NFATC1: variants seen among roughly 807,000 people sequenced by gnomAD.
The protein encoded by NFATC1 is nuclear factor of activated T cells 1.
Under a neutral mutation model 76.0 loss-of-function variants are expected in NFATC1, and 22 were observed. The observed-to-expected ratio is 0.29, with a 90% confidence interval of 0.21 to 0.41. NFATC1 has a LOEUF of 0.41. Ranked by LOEUF, NFATC1 falls within the 10% of genes least tolerant of loss-of-function variation. The pLI is 1.00. For synonymous variants in NFATC1, 704 were observed against 613.1 expected, an observed-to-expected ratio of 1.15 and a Z score of -2.19; for missense variants, 1,357 against 1,337.7, an observed-to-expected ratio of 1.01 and a Z score of -0.23.
intron 3 of NFATC1, among the ~76,000 whole-genome samples, chr18:79,439,139 T>A (rs990626321): frequency 6.6e-6 from 1 of 152,202 alleles, no homozygotes. Context: ...CAGCACGCAC[T>A]GTTCCACGCA....
At chr18:79,507,925 C>T (rs2090154274) in intron 9 of NFATC1, among the ~76,000 whole-genome samples, 1 of 152,248 alleles carries the variant, frequency 6.6e-6, no homozygotes, top group South Asian at 2.1e-4. Context: ...GGCCGGGCTC[C>T]CCGCAGCCGC....
At chr18:79,479,186 T>C (rs1055425362) in intron 8 of NFATC1, among the ~76,000 whole-genome samples, 2 of 152,272 alleles carry the variant, frequency 1.3e-5, no homozygotes, top group African/African-American at 4.8e-5. Flanking sequence ...CACCGTTGCT[T>C]AGCCTGAAAA....
At chr18:79,451,213 G>T (rs375600112) in intron 5 of NFATC1, 87 bp downstream of exon 5, 10 of 1,472,398 alleles carry the variant, frequency 6.8e-6, no homozygotes, top group Non-Finnish European at 8.3e-6. Flanking sequence ...CTTTTCGTTC[G>T]TGTAGACTTG....
rs1293057279 is a variant in NFATC1 at position 79,524,664 on chromosome 18, C to T, written c.2783-2864C>T. ...TCTTGAGGTCGGCCCTCCTCCCCTC[C>T]CGAGAGCTCAGCAGCCGCAGACCCA... is the stretch of plus-strand genomic sequence containing the variant. On this transcript the variant is annotated intron_variant, in intron 9 of 9. Coordinates refer to ENST00000427363, the MANE Select transcript of NFATC1 (RefSeq NM_001278669.2). The surrounding 1 kb of genome is among the most constrained non-coding windows in gnomAD (Gnocchi z 7.2). 3.3e-5 allele frequency among the ~76,000 whole-genome samples: 5 copies of T among 152,114 alleles called. No individual in the cohort carries two copies. In the East Asian group the frequency reaches 7.7e-4, roughly 23 times the overall value.
At chr18:79,424,969 C>CTG (rs1362850276) in intron 2 of NFATC1, among the ~76,000 whole-genome samples, 41 of 132,228 alleles carry the variant, frequency 3.1e-4, no homozygotes, top group Admixed American at 5.0e-4. Flanking sequence ...GTCTCTCCGT[C>CTG]TCTGTCTCTC....
chr18:79,510,794 C>T (rs555936471), intron 9 of NFATC1, among the ~76,000 whole-genome samples: 2 of 152,212 alleles, frequency 1.3e-5, no homozygotes, highest in African/African-American at 4.8e-5. Context: ...GCACAGACCC[C>T]GGCATCCCCT....
intron 1 of NFATC1, among the ~76,000 whole-genome samples, chr18:79,401,199 C>T (rs2148135487): frequency 6.6e-6 from 1 of 150,496 alleles, no homozygotes; most frequent in Non-Finnish European, 1.5e-5. Context: ...GTCCAGGTCA[C>T]CCCAGGCTGG....
At position 79,480,641 on chromosome 18, in the gene NFATC1, G is replaced by T. The variant is rs185678840; in HGVS notation, c.2093-5607G>T. 5.3e-3 allele frequency among the ~76,000 whole-genome samples: 805 copies of T among 152,290 alleles called. 6 individuals carry two copies. Among genetic ancestry groups the T allele is most frequent in the African/African-American group, 0.018 (768 of 41,558 alleles). On this transcript the variant is annotated intron_variant, in intron 8 of 9. Transcript: ENST00000427363. ...TTTTAAACGGGGCCGTGTCTGAGCC[G>T]TGTTCTTGACGTTCTCCAGCCAGCA...
chr18:79,478,155 A>G (rs2089151375), intron 8 of NFATC1, among the ~76,000 whole-genome samples: 1 of 124,656 alleles, frequency 8.0e-6, no homozygotes, highest in Non-Finnish European at 1.6e-5. Flanking sequence ...CCTGTGCTGC[A>G]GACAGAGCCC....
chr18:79,498,940 G>A (rs941073014), intron 9 of NFATC1, among the ~76,000 whole-genome samples: 4 of 152,178 alleles, frequency 2.6e-5, no homozygotes, highest in Non-Finnish European at 4.4e-5. Context: ...TAGAGATGAA[G>A]AAACAAAGCT....
chr18:79,461,468 G>A, intron 7 of NFATC1, 102 bp downstream of exon 7: 1 of 1,083,772 alleles, frequency 9.2e-7, no homozygotes, highest in Non-Finnish European at 1.4e-6. Flanking sequence ...GGGAGGCTGG[G>A]GTTCCTGTTT....
intron 9 of NFATC1, among the ~76,000 whole-genome samples, chr18:79,499,294 G>A (rs1343060429): frequency 6.6e-6 from 1 of 152,194 alleles, no homozygotes; most frequent in Non-Finnish European, 1.5e-5. Flanking sequence ...TTTTGACTAA[G>A]ATGCTTGTTG....
chr18:79,487,330 G>T (rs1265328756), intron 9 of NFATC1, among the ~76,000 whole-genome samples: 2 of 152,238 alleles, frequency 1.3e-5, no homozygotes, highest in Admixed American at 1.3e-4. Flanking sequence ...GGCATCGTGG[G>T]TGCCGCCTGA....
intron 8 of NFATC1, among the ~76,000 whole-genome samples, chr18:79,481,115 TCA>T (rs1477410249): frequency 6.6e-6 from 1 of 152,240 alleles, no homozygotes. Flanking sequence ...AGGCCTGAGT[TCA>T]CAGAGAGCAC....
intron 5 of NFATC1, 48 bp from the exon 6 acceptor site, chr18:79,451,628 G>A (rs2087477624): frequency 1.4e-6 from 2 of 1,472,250 alleles, no homozygotes; most frequent in Non-Finnish European, 1.8e-6. Flanking sequence ...TGTGCCCCAG[G>A]CCGCCCACTC....
At position 79,476,017 on chromosome 18, in the gene NFATC1, G is replaced by C. The variant is rs74678140; in HGVS notation, c.2092+8435G>C. On this transcript the variant is annotated intron_variant, in intron 8 of 9. Transcript: ENST00000427363. The stretch of plus-strand genomic sequence containing the variant: ...GGGCTGGGCGAGTCTGGCTCCAGAA[G>C]GGGGGTGGGGCCGGGAGCCTGAGAT... Among the ~76,000 whole-genome samples, 131 of 152,358 alleles carry C rather than the reference G, an allele frequency of 8.6e-4. 1 individual carries two copies. The East Asian group carries it at 0.019, about 22-fold the overall frequency.
At chr18:79,516,484 TGTG>T (rs2090387078) in intron 9 of NFATC1, among the ~76,000 whole-genome samples, 1 of 152,158 alleles carries the variant, frequency 6.6e-6, no homozygotes, top group African/African-American at 2.4e-5. Context: ...GTTTTCAGAA[TGTG>T]GTGGCTCCTC....
Position 79,527,932 on chromosome 18 carries a change from C to T in NFATC1, c.*355C>T, listed in dbSNP as rs761314981. ...CCCCTGGGGTTCAATACTGGAAGTG[C>T]CTTATTTAACCAGACCATCAGGGCA... is the stretch of plus-strand genomic sequence containing the variant. On this transcript the variant is annotated 3_prime_UTR_variant, in exon 10 of 10. Coordinates refer to ENST00000427363, the MANE Select transcript of NFATC1 (RefSeq NM_001278669.2). 1.8e-4 allele frequency: 77 copies of T among 428,510 alleles called. No individual in the cohort carries two copies. Among genetic ancestry groups the T allele is most frequent in the Non-Finnish European group, 2.7e-4 (65 of 242,640 alleles). 26.5% of individuals were successfully genotyped at this position (428,510 alleles called of 1,614,324 possible). A position where few individuals can be genotyped will look rare whatever the true frequency, so the allele number is the denominator to read the frequency against.
chr18:79,524,665 C>T lies in NFATC1; in HGVS notation c.2783-2863C>T, dbSNP rs1036508902. Among the ~76,000 whole-genome samples the T allele has an allele frequency of 2.0e-5, 3 of 152,112 alleles. No individual in the cohort carries two copies. Among genetic ancestry groups the T allele is most frequent in the African/African-American group, 4.8e-5 (2 of 41,408 alleles). ...CTTGAGGTCGGCCCTCCTCCCCTCCCGAGAGCTCAGCAGCCGCAGACCCAG... is the reference window on the plus strand; with the variant it reads ...CTTGAGGTCGGCCCTCCTCCCCTCCTGAGAGCTCAGCAGCCGCAGACCCAG... On this transcript the variant is annotated intron_variant, in intron 9 of 9. Transcript: ENST00000427363. The surrounding 1 kb of genome is among the most constrained non-coding windows in gnomAD (Gnocchi z 7.2).
Sources: allele counts gnomAD v4.1 joint callset (sites outside exome capture counted in the v4.1 genomes callset), GRCh38; gene constraint gnomAD v4.1.1; non-coding constraint Gnocchi (gnomAD v3.1); transcripts MANE v1.5; gene names NCBI Gene and HGNC (gene_info 2026-07-23, HGNC 2026-07-21).